Variants in PRIM2 observed in about 807,000 individuals in gnomAD.
PRIM2 encodes the protein DNA primase subunit 2, also known as DNA primase large subunit.
PRIM2 carries 39 observed loss-of-function variants against 67.3 expected under a neutral mutation model. That is an observed-to-expected ratio of 0.58 (90% CI 0.45 to 0.76). The LOEUF is 0.76. PRIM2 is among the 30% of genes least tolerant of loss of function. PRIM2 has a pLI of 0.00. For missense variants in PRIM2, 398 were observed against 598.7 expected (o/e 0.66, Z 3.50); for synonymous variants, 143 against 198.7 (o/e 0.72, Z 2.36).
intron 5 of PRIM2, among the ~76,000 whole-genome samples, chr6:57,345,499 TGTGTGTG>T (rs1768645382): frequency 8.7e-5 from 7 of 80,500 alleles, no homozygotes; most frequent in African/African-American, 1.6e-4. Context: ...TGTGTGTGTG[TGTGTGTG>T]TACATACATA....
intron 7 of PRIM2, among the ~76,000 whole-genome samples, chr6:57,447,963 G>C (rs574539578): frequency 3.2e-4 from 49 of 152,272 alleles, no homozygotes; most frequent in African/African-American, 1.0e-3. Context: ...GCTTCCAAGA[G>C]TAAATTTGAG....
At chr6:57,636,303 A>G (rs1469672951) in intron 13 of PRIM2, among the ~76,000 whole-genome samples, 26 of 152,332 alleles carry the variant, frequency 1.7e-4, no homozygotes, top group Admixed American at 2.0e-4. Context: ...AGAAATAAGT[A>G]AAATGGAGGA....
At chr6:57,330,480 G>A (rs565751004) in intron 5 of PRIM2, among the ~76,000 whole-genome samples, 261 of 146,452 alleles carry the variant, frequency 1.8e-3, no homozygotes, top group Non-Finnish European at 3.2e-3. Flanking sequence ...TCAGCCTCCC[G>A]CCGGCCACCA....
chr6:57,517,185 G>T (rs1554348369), intron 8 of PRIM2, among the ~76,000 whole-genome samples: 4 of 152,202 alleles, frequency 2.6e-5, no homozygotes, highest in Admixed American at 1.3e-4. Flanking sequence ...AAATTTCCTA[G>T]TCTTCACTCA....
the PRIM2 span, among the ~76,000 whole-genome samples, chr6:57,238,595 C>T: frequency 9.2e-5 from 14 of 152,142 alleles, no homozygotes; most frequent in Non-Finnish European, 1.9e-4. Flanking sequence ...GCACTAAATG[C>T]CCACAAGAGA....
At chr6:57,596,840 T>TTTG (rs1218244163) in intron 10 of PRIM2, among the ~76,000 whole-genome samples, 1 of 152,120 alleles carries the variant, frequency 6.6e-6, no homozygotes, top group Non-Finnish European at 1.5e-5. Flanking sequence ...TTTCTCAGTC[T>TTTG]TTGTTGTTGT....
At chr6:57,308,673 A>G in the PRIM2 span, among the ~76,000 whole-genome samples, 1 of 152,150 alleles carries the variant, frequency 6.6e-6, no homozygotes, top group Non-Finnish European at 1.5e-5. Flanking sequence ...TCAACACGCA[A>G]TATTTTCAAA....
chr6:57,592,493 C>T (rs1776297615), intron 10 of PRIM2, among the ~76,000 whole-genome samples: 1 of 152,106 alleles, frequency 6.6e-6, no homozygotes, highest in South Asian at 2.1e-4. Flanking sequence ...GGTTTTGTTG[C>T]TTTGAAAATA....
At chr6:57,406,445 A>G (rs1185323573) in intron 7 of PRIM2, among the ~76,000 whole-genome samples, 1 of 152,206 alleles carries the variant, frequency 6.6e-6, no homozygotes, top group African/African-American at 2.4e-5. Context: ...GTGTCTCAGA[A>G]ATGAAAATCT....
the PRIM2 span, among the ~76,000 whole-genome samples, chr6:57,258,585 A>AACCC: frequency 2.8e-5 from 1 of 36,022 alleles, no homozygotes; most frequent in Admixed American, 2.4e-4. Context: ...CCCCCACCCC[A>AACCC]ACCCACCCAC....
rs1046851698 is a variant in PRIM2, at chr6:57,378,235, A to AT, written c.460-1655dup. On this transcript the variant is annotated intron_variant, in intron 5 of 13. Coordinates refer to ENST00000615550, the MANE Select transcript of PRIM2 (RefSeq NM_000947.5). ...ACCACCATACCTGGCTAATGTTTTA[A>AT]TTTTTTTTTTTGTAGAGATGGGGTC... is the stretch of plus-strand genomic sequence containing the variant. 8.7e-4 allele frequency among the ~76,000 whole-genome samples: 127 copies of AT among 146,200 alleles called. No individual in the cohort carries two copies. In the Middle Eastern group the frequency reaches 0.014, roughly 17 times the overall value.
intron 7 of PRIM2, among the ~76,000 whole-genome samples, chr6:57,427,405 G>A (rs374227601): frequency 5.2e-4 from 79 of 152,186 alleles, no homozygotes; most frequent in African/African-American, 1.8e-3. Context: ...TTCAACCTCC[G>A]TCTCCTGGGT....
rs575958629 is a variant in PRIM2, at chr6:57,422,158, C to CTTTTTTTTTTTTTTTTTTTTTTTTTTTT, written c.693+40004_693+40005insTTTTTTTTTTTTTTTTTTTTTTTTTTTT. Among the ~76,000 whole-genome samples the CTTTTTTTTTTTTTTTTTTTTTTTTTTTT allele has an allele frequency of 8.7e-5, 9 of 103,326 alleles. 3 individuals carry two copies. Among genetic ancestry groups the CTTTTTTTTTTTTTTTTTTTTTTTTTTTT allele is most frequent in the South Asian group, 7.5e-4 (2 of 2,676 alleles). The allele number at this position is 103,326 out of a possible 152,430, so 67.8% of individuals were successfully genotyped here. On this transcript the variant is annotated intron_variant, in intron 7 of 13. Coordinates refer to ENST00000615550, the MANE Select transcript of PRIM2 (RefSeq NM_000947.5). ...AAATTCAAAAGTATTTCTTTTCTTT[C>CTTTTTTTTTTTTTTTTTTTTTTTTTTTT]TTTTTTTTTTTTTTGAGATGGAGTC...
At chr6:57,331,982 G>A (rs1183314583) in intron 5 of PRIM2, among the ~76,000 whole-genome samples, 1 of 151,504 alleles carries the variant, frequency 6.6e-6, no homozygotes, top group Non-Finnish European at 1.5e-5. Flanking sequence ...TCTTAAGGTA[G>A]GAGTTTAGGG....
chr6:57,512,970 A>T lies in PRIM2; in HGVS notation c.761+5516A>T, dbSNP rs1554347857. On this transcript the variant is annotated intron_variant, in intron 8 of 13. Coordinates refer to ENST00000615550, the MANE Select transcript of PRIM2 (RefSeq NM_000947.5). ...CCCTCTCCTCAAAAGAGATGAATTA[A>T]TTATTTCATAAGACTATACCATTTT... Among the ~76,000 whole-genome samples, 28 of 152,194 alleles carry T rather than the reference A, an allele frequency of 1.8e-4. 1 individual carries two copies. The East Asian group carries it at 4.8e-3, about 26-fold the overall frequency.
chr6:57,554,161 A>G (rs1196232279), intron 10 of PRIM2, among the ~76,000 whole-genome samples: 48 of 149,936 alleles, frequency 3.2e-4, no homozygotes, highest in South Asian at 2.1e-4. Context: ...TTACAACTAT[A>G]TTATGTTTCA....
intron 7 of PRIM2, among the ~76,000 whole-genome samples, chr6:57,494,846 A>T (rs1173043737): frequency 6.6e-6 from 1 of 152,222 alleles, no homozygotes; most frequent in Non-Finnish European, 1.5e-5. Flanking sequence ...TGTGAAATGC[A>T]TCCTATGTAA....
At chr6:57,325,473 T>C (rs941504872) in intron 4 of PRIM2, among the ~76,000 whole-genome samples, 1 of 152,052 alleles carries the variant, frequency 6.6e-6, no homozygotes, top group African/African-American at 2.4e-5. Flanking sequence ...GCTAATTTTT[T>C]TGTAGATATG....
intron 7 of PRIM2, among the ~76,000 whole-genome samples, chr6:57,477,432 G>A (rs1273903448): frequency 3.9e-5 from 6 of 152,128 alleles, no homozygotes; most frequent in East Asian, 1.9e-4. Context: ...AATTAATAAC[G>A]TCAAATATCG....
Sources: gnomAD v4.1 joint callset for allele counts (sites outside exome capture counted in the v4.1 genomes callset) on GRCh38, gnomAD v4.1.1 for gene constraint, MANE v1.5 for transcripts, NCBI Gene and HGNC (gene_info 2026-07-23, HGNC 2026-07-21) for gene names.